Variants in NRG1 observed in about 807,000 individuals in gnomAD.
NRG1 encodes neuregulin 1, also known as pro-neuregulin-1, membrane-bound isoform.
Under a neutral mutation model 63.8 loss-of-function variants are expected in NRG1, and 18 were observed. The ratio of observed to expected loss-of-function variants is 0.28; its 90% CI spans 0.19 to 0.42. NRG1 has a LOEUF of 0.42. Among genes scored for constraint, NRG1 ranks in the 10% least tolerant of loss-of-function variants. NRG1 has a pLI of 1.00. For synonymous variants in NRG1, 302 were observed against 301.3 expected, an observed-to-expected ratio of 1.00 and a Z score of -0.02; for missense variants, 762 against 814.7, an observed-to-expected ratio of 0.94 and a Z score of 0.79.
chr8:32,438,330 A>G (rs984360461), intron 1 of NRG1, among the ~76,000 whole-genome samples: 1 of 152,154 alleles, frequency 6.6e-6, no homozygotes, highest in African/African-American at 2.4e-5. Context: ...TTTACTTAGC[A>G]TACTTCTCTG....
chr8:32,704,380 C>T (rs896417724), intron 5 of NRG1, among the ~76,000 whole-genome samples: 3 of 152,002 alleles, frequency 2.0e-5, no homozygotes, highest in African/African-American at 4.8e-5. Flanking sequence ...TGATAGTATC[C>T]GGCTAAGGTT....
Position 31,993,311 on chromosome 8 carries a change from G to A in NRG1, c.37+353880G>A, listed in dbSNP as rs1811396558. 2.0e-5 allele frequency among the ~76,000 whole-genome samples: 3 copies of A among 151,894 alleles called. No homozygotes were observed. In the South Asian group the frequency reaches 6.2e-4, roughly 32 times the overall value. On this transcript the variant is annotated intron_variant, in intron 1 of 10. Coordinates refer to the NRG1 transcript ENST00000519301. ...AAGGAATTTTCCTACTGAAGCATGGGGTCCAGGGAGCTTCATTTGTAATCC... is the reference window on the plus strand; with the variant it reads ...AAGGAATTTTCCTACTGAAGCATGGAGTCCAGGGAGCTTCATTTGTAATCC...
chr8:32,485,648 T>C (rs1175216412), intron 1 of NRG1, among the ~76,000 whole-genome samples: 2 of 152,224 alleles, frequency 1.3e-5, no homozygotes, highest in African/African-American at 4.8e-5. Flanking sequence ...TAACTACTAG[T>C]TTGTTTCCCT....
At chr8:31,728,990 A>C (rs1275524586) in intron 1 of NRG1, among the ~76,000 whole-genome samples, 1 of 152,206 alleles carries the variant, frequency 6.6e-6, no homozygotes, top group African/African-American at 2.4e-5. Context: ...TCTAAGGGTC[A>C]TCTGGTTCTG....
chr8:31,696,915 T>C lies in NRG1; in HGVS notation c.37+57484T>C, dbSNP rs578127720. ...TGCAGTCTTATATATGCTACACTTA[T>C]CAATATAAAAATTATTTCACAAAAC... On this transcript the variant is annotated intron_variant, in intron 1 of 10. Coordinates refer to the NRG1 transcript ENST00000519301. Among the ~76,000 whole-genome samples, 86 of 152,272 alleles carry C rather than the reference T, an allele frequency of 5.6e-4. 1 individual carries two copies. In the South Asian group the frequency reaches 0.017, roughly 30 times the overall value.
At chr8:32,706,067 T>G (rs1230287975) in intron 5 of NRG1, among the ~76,000 whole-genome samples, 1 of 152,220 alleles carries the variant, frequency 6.6e-6, no homozygotes, top group Non-Finnish European at 1.5e-5. Context: ...GGAAAGATGA[T>G]CTAGCAAATG....
chr8:32,728,148 A>T (rs570248200), intron 6 of NRG1, 70 bp downstream of exon 6: 1 of 1,584,668 alleles, frequency 6.3e-7, no homozygotes, highest in Non-Finnish European at 8.6e-7. Context: ...ATGTCTCATG[A>T]TGTATTGTTG....
chr8:32,601,004 C>G (rs1241329753), intron 2 of NRG1, among the ~76,000 whole-genome samples: 6 of 152,112 alleles, frequency 3.9e-5, no homozygotes, highest in African/African-American at 1.4e-4. Flanking sequence ...TTATCAAAGC[C>G]CCAAATCTTT....
intron 1 of NRG1, among the ~76,000 whole-genome samples, chr8:31,859,027 AC>A: frequency 1.3e-5 from 2 of 152,172 alleles, no homozygotes; most frequent in Non-Finnish European, 2.9e-5. Context: ...AAATAAACAA[AC>A]TTATTTCTCA....
intron 1 of NRG1, among the ~76,000 whole-genome samples, chr8:32,209,058 A>G (rs1172476472): frequency 6.6e-6 from 1 of 152,204 alleles, no homozygotes; most frequent in Non-Finnish European, 1.5e-5. Context: ...TTTACTAGCA[A>G]TATAATTTCA....
chr8:31,760,413 A>G (rs1333778037), intron 1 of NRG1, among the ~76,000 whole-genome samples: 1 of 152,214 alleles, frequency 6.6e-6, no homozygotes. Context: ...TGTCTAAAAC[A>G]TCAAAAGCAA....
chr8:32,046,336 T>A (rs943328761), intron 1 of NRG1, among the ~76,000 whole-genome samples: 1 of 152,078 alleles, frequency 6.6e-6, no homozygotes, highest in Non-Finnish European at 1.5e-5. Flanking sequence ...AGACTTCTTA[T>A]ACGTTGATTA....
chr8:32,630,866 C>A (rs1420113969), intron 5 of NRG1, among the ~76,000 whole-genome samples: 1 of 151,994 alleles, frequency 6.6e-6, no homozygotes, highest in Non-Finnish European at 1.5e-5. Context: ...TTGAATGGCA[C>A]TATCTCAAAA....
chr8:31,850,432 T>C (rs143303248), intron 1 of NRG1, among the ~76,000 whole-genome samples: 195 of 152,310 alleles, frequency 1.3e-3, no homozygotes, highest in Non-Finnish European at 1.7e-3. Flanking sequence ...GGTCAGGTTA[T>C]GTGACCTGAG....
intron 1 of NRG1, among the ~76,000 whole-genome samples, chr8:32,517,127 C>G (rs959600939): frequency 2.0e-5 from 3 of 152,046 alleles, no homozygotes; most frequent in African/African-American, 7.2e-5. Context: ...GCTTATTTTA[C>G]CTTTGTGGTT....
intron 1 of NRG1, among the ~76,000 whole-genome samples, chr8:32,427,537 T>A (rs967160851): frequency 6.6e-6 from 1 of 152,236 alleles, no homozygotes; most frequent in Non-Finnish European, 1.5e-5. Context: ...GCCAACAGCC[T>A]TGTCAATATG....
chr8:31,722,574 C>A (rs995423550), intron 1 of NRG1, among the ~76,000 whole-genome samples: 3 of 152,124 alleles, frequency 2.0e-5, no homozygotes. Flanking sequence ...GCCTATCAAG[C>A]CTTGCTCTCT....
At chr8:31,691,706 C>T (rs1253630180) in intron 1 of NRG1, among the ~76,000 whole-genome samples, 5 of 147,892 alleles carry the variant, frequency 3.4e-5, no homozygotes, top group South Asian at 4.3e-4. Flanking sequence ...TTTTCTTATG[C>T]AATTACTTCT....
At chr8:32,492,452 TC>T (rs1216102267) in intron 1 of NRG1, among the ~76,000 whole-genome samples, 1 of 150,314 alleles carries the variant, frequency 6.7e-6, no homozygotes, top group South Asian at 2.1e-4. Flanking sequence ...AAAGCATACA[TC>T]CATATAGAAG....
Sources: gnomAD v4.1 joint callset for allele counts (sites outside exome capture counted in the v4.1 genomes callset) on GRCh38, gnomAD v4.1.1 for gene constraint, MANE v1.5 for transcripts, NCBI Gene and HGNC (gene_info 2026-07-23, HGNC 2026-07-21) for gene names.